The following MYOCOS variants were observed in gnomAD, a reference collection of about 807,000 sequenced individuals.
MYOCOS encodes myocilin opposite strand protein.
chr1:171,623,789 C>A, intron 1 of MYOCOS, 52 bp from the exon 2 acceptor site: 1 of 397,664 alleles, frequency 2.5e-6, no homozygotes, highest in Non-Finnish European at 4.4e-6. Context: ...CTAGCTGGAG[C>A]ATTCCTGACC....
At chr1:171,608,502 C>A (rs113367666) in intron 1 of MYOCOS, among the ~76,000 whole-genome samples, 1 of 144,880 alleles carries the variant, frequency 6.9e-6, no homozygotes, top group Non-Finnish European at 1.5e-5. Context: ...CCTGCAAGCT[C>A]CGCCTCCCGA....
At chr1:171,611,441 C>T (rs1402275297) in intron 1 of MYOCOS, among the ~76,000 whole-genome samples, 2 of 152,142 alleles carry the variant, frequency 1.3e-5, no homozygotes, top group African/African-American at 4.8e-5. Context: ...TCGAAATGGG[C>T]TATTTCAAGT....
At chr1:171,622,069 A>G (rs980134109), upstream of MYOCOS, 7 of 152,162 alleles carry the variant, frequency 4.6e-5, no homozygotes, top group African/African-American at 1.7e-4. Flanking sequence ...GAGCTGAAAC[A>G]CCTGCCAGCA....
intron 1 of MYOCOS, among the ~76,000 whole-genome samples, chr1:171,604,802 A>T (rs1652214202): frequency 6.6e-6 from 1 of 152,188 alleles, no homozygotes; most frequent in African/African-American, 2.4e-5. Context: ...TAGGCTACTT[A>T]AAAAGAAGAT....
chr1:171,613,709 G>C (rs1652396898), intron 1 of MYOCOS, among the ~76,000 whole-genome samples: 1 of 152,022 alleles, frequency 6.6e-6, no homozygotes, highest in Non-Finnish European at 1.5e-5. Context: ...CATCACACCT[G>C]GCTAACTTTT....
Position 171,622,659 on chromosome 1 carries a change from G to T in MYOCOS, c.-44+327G>T, listed in dbSNP as rs569643092. Among the ~76,000 whole-genome samples, 26 of 149,026 alleles carry T rather than the reference G, an allele frequency of 1.7e-4. 1 individual carries two copies. The highest frequency in any genetic ancestry group is 1.6e-3 in the Admixed American group (24 of 14,682). On this transcript the variant is annotated intron_variant, in intron 1 of 2. Transcript: ENST00000637642. The stretch of plus-strand genomic sequence containing the variant: ...CCAAAAGATCAAGCTGGCGAGCTCT[G>T]GCTGTTGCAACTCATGCTCTAGAAT...
At chr1:171,606,859 G>A (rs937785847) in intron 1 of MYOCOS, among the ~76,000 whole-genome samples, 6 of 152,014 alleles carry the variant, frequency 3.9e-5, no homozygotes, top group East Asian at 1.9e-4. Context: ...TTTGGGAGGC[G>A]AAGGCGGGTG....
chr1:171,603,340 A>G (rs898648006), intron 1 of MYOCOS, among the ~76,000 whole-genome samples: 1 of 152,332 alleles, frequency 6.6e-6, no homozygotes, highest in South Asian at 2.1e-4. Context: ...CTAGAGTGGC[A>G]CTTGTGCTTT....
intron 1 of MYOCOS, among the ~76,000 whole-genome samples, chr1:171,608,370 C>G (rs1432886603): frequency 1.4e-5 from 2 of 146,874 alleles, no homozygotes; most frequent in Non-Finnish European, 3.0e-5. Context: ...ATAAGATGCT[C>G]CTTTAAAATT....
intron 1 of MYOCOS, chr1:171,601,205 G>C (rs1042512370): frequency 6.6e-6 from 1 of 152,298 alleles, no homozygotes; most frequent in Non-Finnish European, 1.5e-5. Context: ...CTGAAATTTA[G>C]TAAGACTAGT....
chr1:171,621,422 C>T (rs1451098897), upstream of MYOCOS, among the ~76,000 whole-genome samples: 1 of 131,366 alleles, frequency 7.6e-6, no homozygotes, highest in Non-Finnish European at 1.5e-5. Flanking sequence ...GTCAACCAGG[C>T]TAGAGTGCAG....
At chr1:171,617,603 T>C (rs952496093), upstream of MYOCOS, among the ~76,000 whole-genome samples, 5 of 152,164 alleles carry the variant, frequency 3.3e-5, no homozygotes, top group Admixed American at 2.0e-4. Context: ...GACTGAGTGA[T>C]ACGAGACATG....
At chr1:171,605,390 C>CAA (rs1237026728) in intron 1 of MYOCOS, among the ~76,000 whole-genome samples, 1 of 133,306 alleles carries the variant, frequency 7.5e-6, no homozygotes. Flanking sequence ...CACACACACA[C>CAA]ACACAAAAAA....
chr1:171,607,203 A>C (rs1652263516), intron 1 of MYOCOS, among the ~76,000 whole-genome samples: 1 of 152,188 alleles, frequency 6.6e-6, no homozygotes, highest in South Asian at 2.1e-4. Flanking sequence ...GTTTTGATTA[A>C]ATGAAATAAA....
chr1:171,614,033 T>C (rs907800945), intron 1 of MYOCOS, among the ~76,000 whole-genome samples: 1 of 152,208 alleles, frequency 6.6e-6, no homozygotes, highest in South Asian at 2.1e-4. Flanking sequence ...TTCCCCTGAA[T>C]CTCTCAAAAT....
intron 1 of MYOCOS, among the ~76,000 whole-genome samples, chr1:171,607,967 T>C (rs1332889419): frequency 6.6e-6 from 1 of 152,188 alleles, no homozygotes; most frequent in African/African-American, 2.4e-5. Context: ...AGGCACATCT[T>C]ACATGGCATC....
chr1:171,623,675 C>G (rs1410329848), intron 1 of MYOCOS, among the ~76,000 whole-genome samples, 166 bp from the exon 2 acceptor site: 1 of 152,126 alleles, frequency 6.6e-6, no homozygotes, highest in South Asian at 2.1e-4. Flanking sequence ...GAGGAAATAT[C>G]TGCCTCTTGA....
chr1:171,617,614 T>G (rs1652473856), upstream of MYOCOS, among the ~76,000 whole-genome samples: 1 of 152,150 alleles, frequency 6.6e-6, no homozygotes, highest in Admixed American at 6.5e-5. Context: ...ACGAGACATG[T>G]TTTTTAAAGT....
intron 1 of MYOCOS, among the ~76,000 whole-genome samples, chr1:171,612,874 G>A (rs1652381001): frequency 6.6e-6 from 1 of 152,200 alleles, no homozygotes; most frequent in South Asian, 2.1e-4. Context: ...TATTGTGGGA[G>A]TACTATCAAT....
Sources: gnomAD v4.1 joint callset for allele counts (sites outside exome capture counted in the v4.1 genomes callset) on GRCh38, gnomAD v4.1.1 for gene constraint, MANE v1.5 for transcripts, NCBI Gene and HGNC (gene_info 2026-07-23, HGNC 2026-07-21) for gene names.